The following UGT1A8 variants were observed in gnomAD, a reference collection of about 807,000 sequenced individuals.
UGT1A8 encodes UDP-glucuronosyltransferase 1A8.
A neutral mutation model predicts 45.3 loss-of-function variants in UGT1A8; 39 were observed. The observed-to-expected ratio is 0.86, with a 90% CI of 0.67 to 1.12. The LOEUF (loss-of-function observed/expected upper bound fraction) is 1.12, where lower values mean the gene tolerates loss of function less well. Among genes scored for constraint, UGT1A8 ranks in the 50% most tolerant of loss-of-function variants. The pLI is 0.00. For missense variants in UGT1A8, 719 were observed against 664.9 expected, an observed-to-expected ratio of 1.08 and a Z score of -0.90; for synonymous variants, 275 against 249.2, an observed-to-expected ratio of 1.10 and a Z score of -0.97.
At chr2:233,697,189 C>T (rs1604144) in intron 1 of UGT1A8, among the ~76,000 whole-genome samples, 49,533 of 151,890 alleles carry the variant, frequency 0.33, 8,582 homozygotes, top group African/African-American at 0.44. Context: ...TAGAATTCAG[C>T]AGTGAATCCA....
rs112944855 is a variant in UGT1A8 at position 233,618,460 on chromosome 2, G to A, written c.753G>A (p.Trp251Ter). The A allele has an allele frequency of 6.2e-7, 1 of 1,613,826 alleles. No homozygotes were observed. Residue 251 changes from tryptophan to a stop codon, truncating the protein, a stop_gained, in exon 1 of 5, where the codon TGG (tryptophan) becomes TGA (stop). Coordinates refer to ENST00000373450, the MANE Select transcript of UGT1A8 (RefSeq NM_019076.5). LOFTEE classifies it high-confidence loss of function. ...AYDLYSHTSI[W>*]LLRTDFVLDY... ...ATCTCTACAGCCACACATCAATTTG[G>A]TTGTTGCGAACAGACTTTGTTTTGG...
At chr2:233,731,284 C>CTTTTTTTTTT (rs78127606) in intron 1 of UGT1A8, among the ~76,000 whole-genome samples, 4 of 139,758 alleles carry the variant, frequency 2.9e-5, no homozygotes, top group Non-Finnish European at 3.2e-5. Context: ...GTTTTTCTTT[C>CTTTTTTTTTT]TTTTTTTTTT....
chr2:233,682,830 G>T, intron 1 of UGT1A8: 5 of 1,547,694 alleles, frequency 3.2e-6, no homozygotes, highest in South Asian at 1.3e-5. Context: ...AGAATAATCT[G>T]GCTTTGGAAA....
intron 1 of UGT1A8, among the ~76,000 whole-genome samples, chr2:233,722,827 A>G (rs908422971): frequency 6.7e-6 from 1 of 149,568 alleles, no homozygotes; most frequent in East Asian, 1.9e-4. Context: ...GTTATTTTGT[A>G]TTATAATAAG....
intron 1 of UGT1A8, among the ~76,000 whole-genome samples, chr2:233,665,945 A>G (rs1265190912): frequency 2.0e-5 from 3 of 152,138 alleles, no homozygotes; most frequent in Non-Finnish European, 4.4e-5. Context: ...CCAACACTGG[A>G]TGTCTTAGTC....
intron 1 of UGT1A8, among the ~76,000 whole-genome samples, chr2:233,653,845 T>C (rs1580064): frequency 0.94 from 143,470 of 152,336 alleles, 67,671 homozygotes; most frequent in East Asian, 1. Context: ...GATCTGCCCT[T>C]CTCAGCCTCC....
intron 1 of UGT1A8, among the ~76,000 whole-genome samples, chr2:233,695,077 T>A (rs1176900658): frequency 6.6e-6 from 1 of 152,172 alleles, no homozygotes; most frequent in Non-Finnish European, 1.5e-5. Context: ...ACTTTGGACT[T>A]ACTCATTCTA....
chr2:233,643,944 C>A (rs113213917), intron 1 of UGT1A8, among the ~76,000 whole-genome samples: 2 of 152,306 alleles, frequency 1.3e-5, no homozygotes, highest in African/African-American at 4.8e-5. Context: ...GTCCTCCCCA[C>A]TTTTCCCTCT....
intron 1 of UGT1A8, among the ~76,000 whole-genome samples, chr2:233,714,879 A>C (rs1355340446): frequency 7.1e-6 from 1 of 141,030 alleles, no homozygotes; most frequent in African/African-American, 2.6e-5. Flanking sequence ...CTATCTTTTA[A>C]ATTTTTCTAT....
chr2:233,732,188 TA>T lies in UGT1A8; in HGVS notation c.856-34845del, dbSNP rs994200311. Among the ~76,000 whole-genome samples the T allele has an allele frequency of 9.1e-4, 138 of 152,390 alleles. 1 individual carries two copies. The highest frequency in any genetic ancestry group is 3.2e-3 in the African/African-American group (134 of 41,598). ...TGAGTTCTTTGTAGATTCTGGATATTAGCCCTTTGTCAGATGGGTAGATTGC... is the reference window on the plus strand; with the variant it reads ...TGAGTTCTTTGTAGATTCTGGATATTGCCCTTTGTCAGATGGGTAGATTGC... On this transcript the variant is annotated intron_variant, in intron 1 of 4. Transcript: ENST00000373450.
chr2:233,707,235 A>T (rs2075951053), intron 1 of UGT1A8, among the ~76,000 whole-genome samples: 1 of 151,676 alleles, frequency 6.6e-6, no homozygotes, highest in Admixed American at 6.6e-5. Flanking sequence ...TGTGATGATT[A>T]TTTCTCTTGT....
intron 1 of UGT1A8, among the ~76,000 whole-genome samples, chr2:233,706,587 G>A (rs916401740): frequency 6.6e-6 from 1 of 152,106 alleles, no homozygotes; most frequent in Non-Finnish European, 1.5e-5. Flanking sequence ...GAGATGGGAG[G>A]TGGACCTAAG....
At chr2:233,644,661 A>G (rs758730279) in intron 1 of UGT1A8, among the ~76,000 whole-genome samples, 6 of 152,212 alleles carry the variant, frequency 3.9e-5, no homozygotes, top group Admixed American at 6.5e-5. Context: ...CTAACAGAAT[A>G]GCACTGATTT....
intron 1 of UGT1A8, chr2:233,754,785 C>A (rs751766973): frequency 1.7e-6 from 2 of 1,177,776 alleles, no homozygotes; most frequent in Non-Finnish European, 2.3e-6. Context: ...GCCAAAGGAA[C>A]GAAATCCTGT....
rs45594938 is a variant in UGT1A8 at position 233,691,504 on chromosome 2, G to C, written c.855+72942G>C. The C allele has an allele frequency of 8.0e-4, 790 of 985,758 alleles. 9 individuals carry two copies. In the African/African-American group the frequency reaches 0.013, roughly 16 times the overall value. The allele number at this position is 985,758 out of a possible 1,614,324, so 61.1% of individuals were successfully genotyped here. A position where few individuals can be genotyped will look rare whatever the true frequency, so the allele number is the denominator to read the frequency against. On this transcript the variant is annotated intron_variant, in intron 1 of 4. Transcript: ENST00000373450. ...CTTGTGGGTGGGAACAGGAACTCGC[G>C]TGCCAGCCAGGTGTGCATGACTAGC...
intron 1 of UGT1A8, among the ~76,000 whole-genome samples, chr2:233,660,412 A>G (rs2073940009): frequency 6.6e-6 from 1 of 152,186 alleles, no homozygotes; most frequent in Admixed American, 6.5e-5. Context: ...CTGGATGGCT[A>G]GAGGCATTGT....
intron 1 of UGT1A8, among the ~76,000 whole-genome samples, chr2:233,643,887 T>G (rs984625077): frequency 1.3e-5 from 2 of 152,160 alleles, no homozygotes; most frequent in Non-Finnish European, 2.9e-5. Flanking sequence ...TTCTGACCAG[T>G]GCCCTATCCT....
At chr2:233,760,524 C>A in intron 1 of UGT1A8, 1 of 1,614,240 alleles carries the variant, frequency 6.2e-7, no homozygotes, top group Non-Finnish European at 8.5e-7. Context: ...TGAAGACGTA[C>A]CCTGTGCCAT....
intron 1 of UGT1A8, among the ~76,000 whole-genome samples, chr2:233,633,461 C>T (rs994810009): frequency 9.9e-5 from 15 of 152,098 alleles, no homozygotes; most frequent in African/African-American, 3.6e-4. Context: ...GGTGGGTAGG[C>T]TATTAATTAC....
Sources: gnomAD v4.1 joint callset for allele counts (sites outside exome capture counted in the v4.1 genomes callset) on GRCh38, gnomAD v4.1.1 for gene constraint, MANE v1.5 for transcripts, NCBI Gene and HGNC (gene_info 2026-07-23, HGNC 2026-07-21) for gene names.